Variants in HHLA2 observed in about 807,000 individuals in gnomAD.
The protein encoded by HHLA2 is HHLA2 member of B7 family, also known as HERV-H LTR-associating protein 2.
HHLA2 carries 48 observed loss-of-function variants against 45.9 expected under a neutral mutation model. The ratio of observed to expected loss-of-function variants is 1.05; its 90% CI spans 0.83 to 1.33. The LOEUF (loss-of-function observed/expected upper bound fraction) is 1.33, where lower values mean the gene tolerates loss of function less well. Ranked by LOEUF, HHLA2 falls within the 40% of genes most tolerant of loss-of-function variation. The pLI is 0.00. For missense variants in HHLA2, 462 were observed against 494.3 expected (o/e 0.93, Z 0.62); for synonymous variants, 161 against 173.9 (o/e 0.93, Z 0.59).
chr3:108,371,606 G>C (rs1417360911), intron 8 of HHLA2, among the ~76,000 whole-genome samples: 1 of 152,108 alleles, frequency 6.6e-6, no homozygotes, highest in South Asian at 2.1e-4. Context: ...ACACACATAG[G>C]CTCAAAATTA....
chr3:108,355,258 G>C lies in HHLA2; in HGVS notation c.562G>C (p.Gly188Arg), dbSNP rs201761554. 5.9e-5 allele frequency: 95 copies of C among 1,613,868 alleles called. No individual in the cohort carries two copies. The African/African-American group carries it at 9.6e-4, about 16-fold the overall frequency. ...CTCTGAAAACAACATGGAAGAAACA[G>C]GGTCTTTGGATTCTTTTTCTATTAA... The change falls in exon 6 of 11, where the codon GGG becomes CGG. Residue 188 changes from glycine (G) to arginine (R), a missense_variant. Coordinates refer to ENST00000619531, the Ensembl canonical transcript of HHLA2.
intron 7 of HHLA2, among the ~76,000 whole-genome samples, chr3:108,360,784 A>C (rs925745116): frequency 6.6e-6 from 1 of 152,230 alleles, no homozygotes; most frequent in African/African-American, 2.4e-5. Context: ...ACTACAGTTG[A>C]CCATGGGTAA....
intron 3 of HHLA2, among the ~76,000 whole-genome samples, chr3:108,334,943 C>T (rs2081445980): frequency 6.6e-6 from 1 of 152,176 alleles, no homozygotes; most frequent in African/African-American, 2.4e-5. Flanking sequence ...ATTCTCACTG[C>T]AACTGCTGTT....
At chr3:108,303,609 C>T (rs2080883237) in intron 1 of HHLA2, among the ~76,000 whole-genome samples, 2 of 151,970 alleles carry the variant, frequency 1.3e-5, no homozygotes, top group South Asian at 4.2e-4. Flanking sequence ...AGGGTATAGA[C>T]CTAATTTAAG....
chr3:108,322,437 G>A (rs139300416), intron 2 of HHLA2, among the ~76,000 whole-genome samples: 25 of 152,244 alleles, frequency 1.6e-4, no homozygotes, highest in Admixed American at 3.9e-4. Flanking sequence ...TTCTTAAATC[G>A]TTTAAGAGTC....
intron 3 of HHLA2, 122 bp from the exon 3 acceptor site, chr3:108,351,666 C>T: frequency 3.5e-6 from 2 of 574,216 alleles, no homozygotes; most frequent in Non-Finnish European, 3.0e-6. Flanking sequence ...GCCATTGAAC[C>T]ATCCTTTACA....
At chr3:108,336,047 C>T (rs971679948) in intron 3 of HHLA2, among the ~76,000 whole-genome samples, 5 of 152,026 alleles carry the variant, frequency 3.3e-5, no homozygotes, top group Admixed American at 6.6e-5. Flanking sequence ...CCTGCCAGTA[C>T]TACCAATTAT....
intron 2 of HHLA2, among the ~76,000 whole-genome samples, chr3:108,323,031 T>C (rs2081230980): frequency 6.6e-6 from 1 of 151,826 alleles, no homozygotes; most frequent in Admixed American, 6.6e-5. Context: ...AGTTTCCAAA[T>C]TTTTGCTGAC....
At chr3:108,313,992 G>A (rs983204233) in intron 2 of HHLA2, among the ~76,000 whole-genome samples, 1 of 151,968 alleles carries the variant, frequency 6.6e-6, no homozygotes, top group African/African-American at 2.4e-5. Flanking sequence ...ATTATCTTTG[G>A]GGACTATGAT....
At chr3:108,353,074 TG>T (rs2081809156) in intron 4 of HHLA2, among the ~76,000 whole-genome samples, 1 of 152,208 alleles carries the variant, frequency 6.6e-6, no homozygotes, top group Non-Finnish European at 1.5e-5. Flanking sequence ...TAAATGTGAA[TG>T]TGTTCTGGGA....
At chr3:108,348,847 G>A (rs2081721318) in intron 3 of HHLA2, among the ~76,000 whole-genome samples, 1 of 148,620 alleles carries the variant, frequency 6.7e-6, no homozygotes, top group South Asian at 2.1e-4. Flanking sequence ...CCCTCCCTGT[G>A]TCCATGTTCC....
intron 1 of HHLA2, among the ~76,000 whole-genome samples, chr3:108,309,294 C>A (rs1012601248): frequency 3.3e-5 from 5 of 152,046 alleles, no homozygotes; most frequent in South Asian, 4.1e-4. Flanking sequence ...GTTCTTGGTA[C>A]CTTTGTTGAA....
chr3:108,344,793 G>A (rs1183050209), intron 3 of HHLA2, among the ~76,000 whole-genome samples: 1 of 152,056 alleles, frequency 6.6e-6, no homozygotes, highest in Non-Finnish European at 1.5e-5. Flanking sequence ...CTGTTTTCTT[G>A]GCTTTGCAGC....
chr3:108,340,951 T>TTCCTTCCTTCCTTC (rs1560230330), intron 3 of HHLA2, among the ~76,000 whole-genome samples: 6 of 104,234 alleles, frequency 5.8e-5, no homozygotes, highest in African/African-American at 2.4e-4. Context: ...TTCCTTCCTT[T>TTCCTTCCTTCCTTC]CTTTCTTTCT....
chr3:108,353,819 A>C, intron 5 of HHLA2, 39 bp downstream of exon 4: 1 of 1,456,978 alleles, frequency 6.9e-7, no homozygotes, highest in Non-Finnish European at 9.4e-7. Flanking sequence ...CAGCAATGAC[A>C]TCATTCCATG....
At chr3:108,298,513 C>T (rs1416713039) in intron 1 of HHLA2, among the ~76,000 whole-genome samples, 1 of 152,196 alleles carries the variant, frequency 6.6e-6, no homozygotes, top group Non-Finnish European at 1.5e-5. Flanking sequence ...TTTTACTGCA[C>T]CATCTTCAGT....
intron 1 of HHLA2, among the ~76,000 whole-genome samples, chr3:108,304,620 C>G (rs1461414089): frequency 6.6e-6 from 1 of 152,178 alleles, no homozygotes; most frequent in Non-Finnish European, 1.5e-5. Flanking sequence ...GAAGAACAAC[C>G]AGTCGATCCA....
In HHLA2 at chr3:108,341,975, G is replaced by C. The variant is rs374247821; in HGVS notation, c.-26-9813G>C. Among the ~76,000 whole-genome samples the C allele has an allele frequency of 2.8e-4, 42 of 152,276 alleles. No homozygotes were observed. In the East Asian group the frequency reaches 4.6e-3, roughly 17 times the overall value. On this transcript the variant is annotated intron_variant, in intron 3 of 10. Coordinates refer to ENST00000619531, the Ensembl canonical transcript of HHLA2. ...GGGACGGGGTTTGCCATCATGTTCT[G>C]CTCTTGCATCCAATTTAGAGGCTCT...
At chr3:108,367,746 G>A (rs2082088319) in intron 8 of HHLA2, among the ~76,000 whole-genome samples, 1 of 152,138 alleles carries the variant, frequency 6.6e-6, no homozygotes, top group Non-Finnish European at 1.5e-5. Context: ...GTCCCTGAAA[G>A]TGATGGGGAG....
Sources: allele counts gnomAD v4.1 joint callset (sites outside exome capture counted in the v4.1 genomes callset), GRCh38; gene constraint gnomAD v4.1.1; transcripts MANE v1.5; gene names NCBI Gene and HGNC (gene_info 2026-07-23, HGNC 2026-07-21).